The following AZI2 variants were observed in gnomAD, a reference collection of about 807,000 sequenced individuals.
AZI2 encodes the protein 5-azacytidine induced 2.
Under a neutral mutation model 45.8 loss-of-function variants are expected in AZI2, and 22 were observed. The ratio of observed to expected loss-of-function variants is 0.48; its 90% CI spans 0.34 to 0.69. The LOEUF (loss-of-function observed/expected upper bound fraction) is 0.69, where lower values mean the gene tolerates loss of function less well. Among genes scored for constraint, AZI2 ranks in the 30% least tolerant of loss-of-function variants. AZI2 has a pLI of 0.01. For missense variants in AZI2, 417 were observed against 441.5 expected (o/e 0.94, Z 0.50); for synonymous variants, 137 against 156.7 (o/e 0.87, Z 0.94).
chr3:28,338,484 T>A lies in AZI2; in HGVS notation c.339+9A>T. 1 of 1,532,742 alleles carries A rather than the reference T, an allele frequency of 6.5e-7. No individual in the cohort carries two copies. Among genetic ancestry groups the A allele is most frequent in the Non-Finnish European group, 8.9e-7 (1 of 1,125,450 alleles). The allele number at this position is 1,532,742 out of a possible 1,614,324, so 94.9% of individuals were successfully genotyped here. On this transcript the variant is annotated intron_variant, in intron 3 of 7. Coordinates refer to ENST00000479665, the MANE Select transcript of AZI2 (RefSeq NM_022461.5). Reference sequence around the variant, plus strand: ...AAATGCAGATGTCATTCGCTTCAAATCAACTTACCATTTTGTCCAGTTTGC... The same window carrying A: ...AAATGCAGATGTCATTCGCTTCAAAACAACTTACCATTTTGTCCAGTTTGC...
At chr3:28,338,115 G>A in intron 3 of AZI2, 79 bp from the exon 4 acceptor site, 2 of 716,910 alleles carry the variant, frequency 2.8e-6, no homozygotes, top group South Asian at 3.4e-5. Context: ...GGAAGATACT[G>A]AAAAAAACAC....
chr3:28,327,017 T>G, intron 6 of AZI2, 67 bp from the exon 7 acceptor site: 1 of 1,098,586 alleles, frequency 9.1e-7, no homozygotes, highest in South Asian at 1.4e-5. Context: ...GGAATAACTT[T>G]AGAAATATGC....
chr3:28,330,725 A>C (rs187805630), intron 6 of AZI2, among the ~76,000 whole-genome samples: 3 of 151,472 alleles, frequency 2.0e-5, no homozygotes, highest in East Asian at 1.9e-4. Flanking sequence ...CACATTGTCT[A>C]CCTGATACAA....
intron 1 of AZI2, chr3:28,348,257 A>C (rs1390059644): frequency 2.0e-5 from 3 of 152,044 alleles, no homozygotes; most frequent in African/African-American, 7.3e-5. Flanking sequence ...CTTTCCGATA[A>C]TTTGTATCGG....
rs752571451 is a variant in AZI2, at chr3:28,321,684, CAT to C, written c.*2356_*2357del. The C allele has an allele frequency of 6.6e-6, 1 of 151,360 alleles. No homozygotes were observed. Among genetic ancestry groups the C allele is most frequent in the Non-Finnish European group, 1.5e-5 (1 of 67,532 alleles). 9.4% of individuals were successfully genotyped at this position (151,360 alleles called of 1,614,324 possible). A position where few individuals can be genotyped will look rare whatever the true frequency, so the allele number is the denominator to read the frequency against. ...AATTAAGATCAGTACTTTGTTGTCACATGATTCAGCTCTTCAAGTCTGAATTT... is the reference window on the plus strand; with the variant it reads ...AATTAAGATCAGTACTTTGTTGTCACGATTCAGCTCTTCAAGTCTGAATTT... On this transcript the variant is annotated 3_prime_UTR_variant, in exon 8 of 8. Transcript: ENST00000479665.
chr3:28,331,964 C>T (rs1178068821), intron 6 of AZI2: 1 of 1,439,538 alleles, frequency 6.9e-7, no homozygotes, highest in Non-Finnish European at 9.4e-7. Flanking sequence ...TCTCAAAAAA[C>T]AAAAAACAAA....
chr3:28,329,405 G>A (rs577042116), intron 6 of AZI2, among the ~76,000 whole-genome samples: 38 of 151,138 alleles, frequency 2.5e-4, no homozygotes, highest in African/African-American at 8.7e-4. Context: ...ACAATATGCT[G>A]ACTGCCAACA....
intron 7 of AZI2, 90 bp downstream of exon 7, chr3:28,326,742 C>G: frequency 9.9e-7 from 1 of 1,008,504 alleles, no homozygotes; most frequent in East Asian, 2.4e-5. Flanking sequence ...ATCAATCTCT[C>G]ATTTGATGAG....
intron 5 of AZI2, among the ~76,000 whole-genome samples, chr3:28,333,692 A>G (rs769439791): frequency 6.6e-6 from 1 of 151,762 alleles, no homozygotes; most frequent in Non-Finnish European, 1.5e-5. Flanking sequence ...TGTATCTAGT[A>G]TTCAAAGACC....
At chr3:28,338,720 G>T in intron 2 of AZI2, 105 bp from the exon 3 acceptor site, 9 of 1,029,652 alleles carry the variant, frequency 8.7e-6, no homozygotes, top group Non-Finnish European at 1.2e-5. Context: ...GTAATAAGGG[G>T]ATAAAGCCTG....
chr3:28,327,924 T>A (rs1703442210), intron 6 of AZI2, among the ~76,000 whole-genome samples: 1 of 150,584 alleles, frequency 6.6e-6, no homozygotes, highest in Non-Finnish European at 1.5e-5. Context: ...TAGACAAACG[T>A]GTCACCTTAT....
At chr3:28,333,479 A>G (rs1182263371) in intron 5 of AZI2, among the ~76,000 whole-genome samples, 1 of 151,740 alleles carries the variant, frequency 6.6e-6, no homozygotes, top group Non-Finnish European at 1.5e-5. Flanking sequence ...TGATCAGATC[A>G]CTTTTAGTAT....
rs1237132311 is a variant in AZI2, at chr3:28,325,363, G to A, written c.767-909C>T. Among the ~76,000 whole-genome samples the A allele has an allele frequency of 3.3e-5, 5 of 150,982 alleles. No homozygotes were observed. The East Asian group carries it at 7.8e-4, about 23-fold the overall frequency. ...TAATTTTAGAAGAAACAGATTGAAC[G>A]ACATTATAAAATAAGTTCATTGTTT... On this transcript the variant is annotated intron_variant, in intron 7 of 7. Transcript: ENST00000479665.
rs763682087 is a variant in AZI2, at chr3:28,337,989, T to G, written c.387A>C (p.Gln129His). The G allele has an allele frequency of 6.2e-7, 1 of 1,601,362 alleles. No homozygotes were observed. The highest frequency in any genetic ancestry group is 8.5e-7 in the Non-Finnish European group (1 of 1,173,298). ...ESLKVLNEQL[Q>H]SKEVELLQLR... The stretch of plus-strand genomic sequence containing the variant: ...GCTGGAGGAGTTCTACTTCTTTAGA[T>G]TGTAGCTGCTCATTCAATACTTTCA... The change falls in exon 4 of 8, where the codon CAA becomes CAC. Residue 129 changes from glutamine to histidine, a missense_variant. Coordinates refer to ENST00000479665, the MANE Select transcript of AZI2 (RefSeq NM_022461.5).
At chr3:28,333,208 C>A (rs1024282204) in intron 5 of AZI2, among the ~76,000 whole-genome samples, 6 of 151,700 alleles carry the variant, frequency 4.0e-5, no homozygotes, top group Non-Finnish European at 7.4e-5. Flanking sequence ...ATATAATTTG[C>A]AGTGAAACAT....
At chr3:28,343,347 C>G (rs974829510) in intron 1 of AZI2, among the ~76,000 whole-genome samples, 42 of 151,810 alleles carry the variant, frequency 2.8e-4, no homozygotes, top group Non-Finnish European at 4.7e-4. Context: ...GGAACAAGTT[C>G]AAAGATCTAA....
At chr3:28,338,396 C>T (rs961314067) in intron 3 of AZI2, 97 bp downstream of exon 3, 37 of 1,302,192 alleles carry the variant, frequency 2.8e-5, no homozygotes, top group African/African-American at 2.5e-4. Flanking sequence ...ATTTTAATTA[C>T]TAAATGTAAA....
chr3:28,325,966 C>T (rs192503037), intron 7 of AZI2, among the ~76,000 whole-genome samples: 55 of 151,140 alleles, frequency 3.6e-4, no homozygotes, highest in Admixed American at 2.3e-3. Context: ...AATAAACACT[C>T]CTGAGGAGAA....
intron 5 of AZI2, 121 bp downstream of exon 5, chr3:28,336,616 G>T: frequency 1.8e-6 from 2 of 1,116,342 alleles, no homozygotes; most frequent in South Asian, 2.0e-5. Flanking sequence ...TTAAGGAATA[G>T]AACATTCTCT....
Sources: gnomAD v4.1 joint callset for allele counts (sites outside exome capture counted in the v4.1 genomes callset) on GRCh38, gnomAD v4.1.1 for gene constraint, MANE v1.5 for transcripts, NCBI Gene and HGNC (gene_info 2026-07-23, HGNC 2026-07-21) for gene names.